Variants in ZNRF3 observed in about 807,000 individuals in gnomAD.
The protein encoded by ZNRF3 is zinc and ring finger 3.
In ZNRF3, 23 loss-of-function variants were observed where a neutral mutation model predicts 72.5. The ratio of observed to expected loss-of-function variants is 0.32; its 90% CI spans 0.23 to 0.45. The LOEUF (loss-of-function observed/expected upper bound fraction) is 0.45. Among genes scored for constraint, ZNRF3 ranks in the 20% least tolerant of loss-of-function variants. The pLI is 1.00. For missense variants in ZNRF3, 1,169 were observed against 1,272.1 expected, an observed-to-expected ratio of 0.92 and a Z score of 1.23; for synonymous variants, 610 against 545.3, an observed-to-expected ratio of 1.12 and a Z score of -1.65.
chr22:29,042,750 C>A (rs966341991), intron 3 of ZNRF3, among the ~76,000 whole-genome samples, 181 bp downstream of exon 3: 4 of 146,890 alleles, frequency 2.7e-5, no homozygotes, highest in Non-Finnish European at 6.0e-5. Context: ...GGTTAAGAGC[C>A]AGGGAATTGG....
intron 1 of ZNRF3, among the ~76,000 whole-genome samples, chr22:28,918,497 T>C (rs1022989021): frequency 6.6e-6 from 1 of 151,638 alleles, no homozygotes; most frequent in African/African-American, 2.4e-5. Context: ...CGTGCGTGTG[T>C]GTGTATGCAC....
rs566719043 is a variant in ZNRF3 at position 29,038,963 on chromosome 22, T to G, written c.427-3532T>G. Among the ~76,000 whole-genome samples, 651 of 151,692 alleles carry G rather than the reference T, an allele frequency of 4.3e-3. 6 individuals carry two copies. The highest frequency in any genetic ancestry group is 0.025 in the South Asian group (118 of 4,800). The stretch of plus-strand genomic sequence containing the variant: ...GGAATTTAAGCACCATATATATATA[T>G]ATAGAGAGAGAGAGAGAGACAGATT... On this transcript the variant is annotated intron_variant, in intron 2 of 8. Coordinates refer to ENST00000544604, the MANE Select transcript of ZNRF3 (RefSeq NM_001206998.2).
In ZNRF3 at chr22:29,055,091, G is replaced by T. The variant is rs2037276929; in HGVS notation, c.*1469G>T. ...GGAGAGTTTAAAAACCCAAACCGTT[G>T]TGGTTTTAAGGTGTTTCATTTTTAA... is the stretch of plus-strand genomic sequence containing the variant. On this transcript the variant is annotated 3_prime_UTR_variant, in exon 9 of 9. Coordinates refer to ENST00000544604, the MANE Select transcript of ZNRF3 (RefSeq NM_001206998.2). 1 of 152,734 alleles carries T rather than the reference G, an allele frequency of 6.5e-6. No homozygotes were observed. The highest frequency in any genetic ancestry group is 2.1e-4 in the South Asian group (1 of 4,828). The allele number at this position is 152,734 out of a possible 1,614,324, so 9.5% of individuals were successfully genotyped here. A position where few individuals can be genotyped will look rare whatever the true frequency, so the allele number is the denominator to read the frequency against.
At chr22:28,895,666 CA>C (rs909928672) in intron 1 of ZNRF3, among the ~76,000 whole-genome samples, 1 of 149,828 alleles carries the variant, frequency 6.7e-6, no homozygotes, top group East Asian at 2.0e-4. Context: ...GACTCCGTCT[CA>C]AAAAAAAAGA....
At chr22:29,027,784 C>G (rs576818807) in intron 2 of ZNRF3, among the ~76,000 whole-genome samples, 2 of 151,290 alleles carry the variant, frequency 1.3e-5, no homozygotes, top group South Asian at 4.1e-4. Flanking sequence ...ATCACATGCT[C>G]ACAGTCACAG....
At chr22:28,906,628 G>A (rs918750331) in intron 1 of ZNRF3, among the ~76,000 whole-genome samples, 4 of 152,130 alleles carry the variant, frequency 2.6e-5, no homozygotes, top group Non-Finnish European at 5.9e-5. Context: ...ACACATGTTC[G>A]GTTGGTGTCT....
intron 1 of ZNRF3, among the ~76,000 whole-genome samples, chr22:28,889,240 G>T (rs193047397): frequency 6.6e-6 from 1 of 152,310 alleles, no homozygotes; most frequent in East Asian, 1.9e-4. Flanking sequence ...TAATATAGGG[G>T]TTCTTAACCT....
chr22:29,036,488 T>G (rs1033205518), intron 2 of ZNRF3, among the ~76,000 whole-genome samples: 1 of 152,202 alleles, frequency 6.6e-6, no homozygotes, highest in Non-Finnish European at 1.5e-5. Context: ...CAAACTCACT[T>G]CTTTCTCCCT....
intron 2 of ZNRF3, among the ~76,000 whole-genome samples, chr22:29,019,124 G>A (rs1171493532): frequency 6.6e-6 from 1 of 151,724 alleles, no homozygotes; most frequent in Non-Finnish European, 1.5e-5. Flanking sequence ...CGCAAGAGAG[G>A]GCAAGCATGA....
At chr22:28,983,912 G>A (rs533419567) in intron 1 of ZNRF3, among the ~76,000 whole-genome samples, 1 of 152,048 alleles carries the variant, frequency 6.6e-6, no homozygotes, top group South Asian at 2.1e-4. Context: ...GTTTCTCAGT[G>A]TTATTTACTT....
chr22:28,917,613 G>GAT (rs2034432612), intron 1 of ZNRF3: 2 of 191,224 alleles, frequency 1.0e-5, no homozygotes, highest in Non-Finnish European at 1.9e-5. Context: ...GATGCGGGAG[G>GAT]ATCCTTTGAG....
At chr22:28,925,950 G>C (rs73881187) in intron 1 of ZNRF3, among the ~76,000 whole-genome samples, 4,656 of 152,100 alleles carry the variant, frequency 0.031, 256 homozygotes, top group African/African-American at 0.11. Context: ...CTGCCTCCCC[G>C]CTAACCAACC....
intron 2 of ZNRF3, among the ~76,000 whole-genome samples, chr22:29,013,124 A>G (rs895953196): frequency 6.6e-6 from 1 of 152,200 alleles, no homozygotes; most frequent in Admixed American, 6.5e-5. Context: ...TGGTTGCCAC[A>G]TGGTAGACAA....
intron 2 of ZNRF3, among the ~76,000 whole-genome samples, chr22:29,036,904 T>C (rs1329696300): frequency 1.3e-5 from 2 of 152,064 alleles, no homozygotes; most frequent in African/African-American, 4.8e-5. Flanking sequence ...GAAGGCAAAA[T>C]TGTATTCAGT....
chr22:29,018,145 A>G (rs554783055), intron 2 of ZNRF3: 1 of 477,776 alleles, frequency 2.1e-6, no homozygotes, highest in East Asian at 5.6e-5. Flanking sequence ...ATTATAAGGA[A>G]TTGAGACTTG....
At chr22:29,029,267 TG>T (rs1291387302) in intron 2 of ZNRF3, among the ~76,000 whole-genome samples, 1 of 152,244 alleles carries the variant, frequency 6.6e-6, no homozygotes, top group East Asian at 1.9e-4. Context: ...TTTACTAGTT[TG>T]TTAGCCCTTG....
chr22:28,987,597 G>A (rs1302896946), intron 2 of ZNRF3, among the ~76,000 whole-genome samples: 1 of 152,186 alleles, frequency 6.6e-6, no homozygotes, highest in African/African-American at 2.4e-5. Context: ...AAGGGGTATA[G>A]ATTTTATATT....
chr22:28,952,460 GTTTC>G (rs2035181074), intron 1 of ZNRF3, among the ~76,000 whole-genome samples: 1 of 148,320 alleles, frequency 6.7e-6, no homozygotes, highest in East Asian at 2.0e-4. Context: ...ACAAAGAACA[GTTTC>G]TTTCAGCAGA....
intron 2 of ZNRF3, among the ~76,000 whole-genome samples, chr22:29,036,625 T>G (rs1394896550): frequency 6.6e-6 from 1 of 152,212 alleles, no homozygotes; most frequent in Admixed American, 6.5e-5. Flanking sequence ...GGTGGGTATA[T>G]AAGAGGAGCA....
Sources: gnomAD v4.1 joint callset for allele counts (sites outside exome capture counted in the v4.1 genomes callset) on GRCh38, gnomAD v4.1.1 for gene constraint, MANE v1.5 for transcripts, NCBI Gene and HGNC (gene_info 2026-07-23, HGNC 2026-07-21) for gene names.